The following BMP5 variants were observed in gnomAD, a reference collection of about 807,000 sequenced individuals.
BMP5 encodes bone morphogenetic protein 5.
A neutral mutation model predicts 46.6 loss-of-function variants in BMP5; 23 were observed. The ratio of observed to expected loss-of-function variants is 0.49; its 90% CI spans 0.35 to 0.70. BMP5 has a LOEUF of 0.70. Among genes scored for constraint, BMP5 ranks in the 30% least tolerant of loss-of-function variants. The pLI is 0.00. For synonymous variants in BMP5, 204 were observed against 191.9 expected, an observed-to-expected ratio of 1.06 and a Z score of -0.52; for missense variants, 545 against 565.6, an observed-to-expected ratio of 0.96 and a Z score of 0.37.
At chr6:55,818,099 C>T (rs1025988417) in intron 2 of BMP5, among the ~76,000 whole-genome samples, 3 of 152,222 alleles carry the variant, frequency 2.0e-5, no homozygotes, top group Non-Finnish European at 2.9e-5. Flanking sequence ...TCAGGAATAT[C>T]GGGAGGTGCC....
chr6:55,801,244 C>T (rs1178950574), intron 2 of BMP5, among the ~76,000 whole-genome samples: 1 of 152,164 alleles, frequency 6.6e-6, no homozygotes, highest in Non-Finnish European at 1.5e-5. Context: ...AGAAGACTAC[C>T]TTGTGGTCAA....
chr6:55,803,155 TG>T (rs1235316994), intron 2 of BMP5, among the ~76,000 whole-genome samples: 17 of 7,388 alleles, frequency 2.3e-3, no homozygotes, highest in African/African-American at 5.5e-3. Flanking sequence ...GGTGGGGGGG[TG>T]GGGGGGGCAG....
chr6:55,764,098 A>T (rs1041286978), intron 4 of BMP5, among the ~76,000 whole-genome samples: 2 of 152,184 alleles, frequency 1.3e-5, no homozygotes, highest in Non-Finnish European at 2.9e-5. Context: ...ATCATCAAGC[A>T]ATCTCACCAC....
At chr6:55,788,742 T>C (rs1010274104) in intron 3 of BMP5, among the ~76,000 whole-genome samples, 2 of 151,912 alleles carry the variant, frequency 1.3e-5, no homozygotes, top group Non-Finnish European at 3.0e-5. Flanking sequence ...GAATGGTAAG[T>C]ATTTTATCAG....
intron 2 of BMP5, among the ~76,000 whole-genome samples, chr6:55,809,324 T>C (rs930744477): frequency 1.3e-5 from 2 of 152,152 alleles, no homozygotes; most frequent in African/African-American, 4.8e-5. Context: ...TAGTCAGAAG[T>C]GATTTATGCA....
chr6:55,780,721 G>T (rs1233537168), intron 3 of BMP5, among the ~76,000 whole-genome samples: 1 of 152,000 alleles, frequency 6.6e-6, no homozygotes, highest in Non-Finnish European at 1.5e-5. Flanking sequence ...ACATTGGCAG[G>T]ATAACTAAAG....
intron 1 of BMP5, among the ~76,000 whole-genome samples, chr6:55,828,088 A>G (rs1776573960): frequency 6.6e-6 from 1 of 151,844 alleles, no homozygotes; most frequent in Non-Finnish European, 1.5e-5. Context: ...ACAGTTTTTA[A>G]CCACCTTTAG....
At chr6:55,872,228 AACTC>A (rs1365753622) in intron 1 of BMP5, among the ~76,000 whole-genome samples, 20 of 151,730 alleles carry the variant, frequency 1.3e-4, no homozygotes, top group Non-Finnish European at 1.9e-4. Flanking sequence ...TACCAAGAAA[AACTC>A]ACCTAGTATC....
chr6:55,815,037 G>A (rs147256869), intron 2 of BMP5, among the ~76,000 whole-genome samples: 41 of 151,180 alleles, frequency 2.7e-4, no homozygotes, highest in African/African-American at 9.5e-4. Flanking sequence ...GGAGTCTGAG[G>A]CAGGAGTATC....
chr6:55,771,705 T>C (rs1461471251), intron 4 of BMP5, among the ~76,000 whole-genome samples: 1 of 151,814 alleles, frequency 6.6e-6, no homozygotes. Context: ...TCTTCTGTAC[T>C]AATGGAGATT....
At chr6:55,847,464 C>T (rs2127548068) in intron 1 of BMP5, among the ~76,000 whole-genome samples, 1 of 152,046 alleles carries the variant, frequency 6.6e-6, no homozygotes, top group Middle Eastern at 3.4e-3. Context: ...GTTTACACCA[C>T]CAGGAATGCA....
intron 3 of BMP5, among the ~76,000 whole-genome samples, chr6:55,791,782 C>T (rs1323811517): frequency 2.0e-5 from 3 of 152,114 alleles, no homozygotes; most frequent in African/African-American, 7.2e-5. Context: ...AGGAAACAGG[C>T]TGATCATATT....
At chr6:55,827,343 C>T (rs1159499654) in intron 1 of BMP5, among the ~76,000 whole-genome samples, 1 of 151,362 alleles carries the variant, frequency 6.6e-6, no homozygotes. Context: ...TTTCTAGAAG[C>T]TAGATGTCAT....
intron 1 of BMP5, among the ~76,000 whole-genome samples, chr6:55,824,496 AT>A (rs1160815168): frequency 6.6e-5 from 10 of 151,976 alleles, no homozygotes; most frequent in Non-Finnish European, 4.4e-5. Flanking sequence ...GTGAAAAAGC[AT>A]CTCTTAATTA....
intron 4 of BMP5, among the ~76,000 whole-genome samples, chr6:55,773,750 G>C (rs1775101304): frequency 6.6e-6 from 1 of 151,904 alleles, no homozygotes; most frequent in Non-Finnish European, 1.5e-5. Flanking sequence ...AGCTCAGCAA[G>C]TCATGTAGCT....
At chr6:55,854,898 T>G (rs1421024701) in intron 1 of BMP5, among the ~76,000 whole-genome samples, 1 of 152,190 alleles carries the variant, frequency 6.6e-6, no homozygotes, top group Non-Finnish European at 1.5e-5. Context: ...CAAAAGACTC[T>G]CTTTTTTATA....
chr6:55,820,846 T>G (rs1448233457), intron 1 of BMP5, among the ~76,000 whole-genome samples: 1 of 152,140 alleles, frequency 6.6e-6, no homozygotes, highest in Non-Finnish European at 1.5e-5. Context: ...GGGGAACATA[T>G]TTTCCCTCTT....
chr6:55,838,696 G>T (rs1452318774), intron 1 of BMP5, among the ~76,000 whole-genome samples: 1 of 151,868 alleles, frequency 6.6e-6, no homozygotes, highest in East Asian at 1.9e-4. Flanking sequence ...GACTTCTCCA[G>T]GTTATTTATA....
chr6:55,767,374 C>T (rs1339498463), intron 4 of BMP5, among the ~76,000 whole-genome samples: 1 of 151,938 alleles, frequency 6.6e-6, no homozygotes, highest in Non-Finnish European at 1.5e-5. Context: ...CCGTGTACCA[C>T]TATTTTAAAT....
Sources: allele counts gnomAD v4.1 joint callset (sites outside exome capture counted in the v4.1 genomes callset), GRCh38; gene constraint gnomAD v4.1.1; transcripts MANE v1.5; gene names NCBI Gene and HGNC (gene_info 2026-07-23, HGNC 2026-07-21).